The following LAMA2 variants were observed in gnomAD, a reference collection of about 807,000 sequenced individuals.
The protein encoded by LAMA2 is laminin subunit alpha 2, also known as laminin subunit alpha-2.
LAMA2 carries 269 observed loss-of-function variants against 364.8 expected under a neutral mutation model. The ratio of observed to expected loss-of-function variants is 0.74; its 90% CI spans 0.67 to 0.82. LAMA2 has a LOEUF of 0.82. Among genes scored for constraint, LAMA2 ranks in the 40% least tolerant of loss-of-function variants. LAMA2 has a pLI of 0.00. For synonymous variants in LAMA2, 1,379 were observed against 1,370.6 expected, an observed-to-expected ratio of 1.01 and a Z score of -0.14; for missense variants, 3,807 against 3,873.2, an observed-to-expected ratio of 0.98 and a Z score of 0.45.
At chr6:129,250,420 G>A (rs1234044609) in intron 13 of LAMA2, among the ~76,000 whole-genome samples, 2 of 152,098 alleles carry the variant, frequency 1.3e-5, no homozygotes, top group African/African-American at 2.4e-5. Context: ...GAATGATAAA[G>A]GAGAACTTTA....
chr6:128,956,027 A>G (rs2114580291), intron 1 of LAMA2, among the ~76,000 whole-genome samples: 1 of 152,068 alleles, frequency 6.6e-6, no homozygotes, highest in Non-Finnish European at 1.5e-5. Context: ...TTACATTATC[A>G]TAAATTTCGC....
rs1776454807 is a variant in LAMA2 at position 129,115,969 on chromosome 6, C to G, written c.639+17554C>G. ...TTCTTCTTTTCCTGACCTCCTAGGG[C>G]TTTTATGCATGCAATTAGCAATTTG... On this transcript the variant is annotated intron_variant, in intron 4 of 64. Coordinates refer to ENST00000421865, the MANE Select transcript of LAMA2 (RefSeq NM_000426.4). Among the ~76,000 whole-genome samples, 3 of 152,052 alleles carry G rather than the reference C, an allele frequency of 2.0e-5. No individual in the cohort carries two copies. The South Asian group carries it at 6.2e-4, about 31-fold the overall frequency.
chr6:129,235,493 A>C (rs986751731), intron 12 of LAMA2, among the ~76,000 whole-genome samples: 1 of 152,146 alleles, frequency 6.6e-6, no homozygotes, highest in African/African-American at 2.4e-5. Context: ...AAATATTTGC[A>C]CCCCTTTGAG....
chr6:128,943,951 A>T (rs867296354), intron 1 of LAMA2, among the ~76,000 whole-genome samples: 1 of 152,224 alleles, frequency 6.6e-6, no homozygotes, highest in Non-Finnish European at 1.5e-5. Context: ...AAAGATTTTC[A>T]TCGGTTAGAG....
At chr6:129,329,361 TTTTTG>T (rs1466288389) in intron 29 of LAMA2, among the ~76,000 whole-genome samples, 1 of 151,890 alleles carries the variant, frequency 6.6e-6, no homozygotes, top group Non-Finnish European at 1.5e-5. Context: ...AGCCATCACC[TTTTTG>T]TTTTTTTTTT....
chr6:128,899,686 C>A (rs1176247957), intron 1 of LAMA2, among the ~76,000 whole-genome samples: 2 of 151,894 alleles, frequency 1.3e-5, no homozygotes, highest in Non-Finnish European at 1.5e-5. Flanking sequence ...ACAGTATGGA[C>A]AGATATGAGT....
chr6:129,029,563 A>G (rs1466109944), intron 1 of LAMA2, among the ~76,000 whole-genome samples: 1 of 151,382 alleles, frequency 6.6e-6, no homozygotes, highest in African/African-American at 2.4e-5. Flanking sequence ...ATTTATCCTG[A>G]GAAATGCTAA....
intron 4 of LAMA2, among the ~76,000 whole-genome samples, chr6:129,115,416 T>G (rs1044278249): frequency 2.0e-5 from 3 of 152,094 alleles, no homozygotes; most frequent in Non-Finnish European, 4.4e-5. Context: ...CATTAACATC[T>G]GGAGTTGAGG....
At chr6:129,362,455 C>A (rs1777520274) in intron 32 of LAMA2, among the ~76,000 whole-genome samples, 1 of 152,146 alleles carries the variant, frequency 6.6e-6, no homozygotes, top group Non-Finnish European at 1.5e-5. Flanking sequence ...ATTCTACCTC[C>A]CTGATCTTCT....
At chr6:129,258,825 A>G (rs955375208) in intron 14 of LAMA2, among the ~76,000 whole-genome samples, 2 of 152,152 alleles carry the variant, frequency 1.3e-5, no homozygotes, top group Admixed American at 1.3e-4. Flanking sequence ...TGAGGGGGGA[A>G]AAAAGCATTT....
intron 51 of LAMA2, among the ~76,000 whole-genome samples, chr6:129,471,011 A>G (rs1268505064): frequency 6.6e-6 from 1 of 151,892 alleles, no homozygotes; most frequent in Non-Finnish European, 1.5e-5. Context: ...GAAAGAGAAC[A>G]AAAGAATAAT....
chr6:128,910,668 T>C lies in LAMA2; in HGVS notation c.112+27311T>C, dbSNP rs576110112. Among the ~76,000 whole-genome samples the C allele has an allele frequency of 6.0e-3, 915 of 152,348 alleles. 8 individuals are homozygous for C. Among genetic ancestry groups the C allele is most frequent in the Middle Eastern group, 0.01 (3 of 294 alleles). ...AGTCGTTCTCCGTCTAGCTTCGTTC[T>C]GTTGTTGGTGAGGAACTGCGTTCCT... is the stretch of plus-strand genomic sequence containing the variant. On this transcript the variant is annotated intron_variant, in intron 1 of 64. Transcript: ENST00000421865.
chr6:129,484,093 G>A (rs1784482163), intron 55 of LAMA2, among the ~76,000 whole-genome samples: 1 of 152,072 alleles, frequency 6.6e-6, no homozygotes, highest in Admixed American at 6.5e-5. Flanking sequence ...ATTATGAGTG[G>A]AACTGCATTA....
intron 3 of LAMA2, among the ~76,000 whole-genome samples, chr6:129,062,068 C>G (rs1788958897): frequency 2.0e-5 from 3 of 152,154 alleles, no homozygotes; most frequent in Admixed American, 2.0e-4. Context: ...TGGAACTTCT[C>G]AGACAAGAAA....
chr6:129,200,124 G>GTATATA (rs374459440), intron 12 of LAMA2, among the ~76,000 whole-genome samples: 1 of 105,984 alleles, frequency 9.4e-6, no homozygotes, highest in Admixed American at 9.3e-5. Flanking sequence ...ATATATATGT[G>GTATATA]TATATATATA....
chr6:129,018,691 C>T (rs1342816311), intron 1 of LAMA2, among the ~76,000 whole-genome samples: 4 of 151,966 alleles, frequency 2.6e-5, no homozygotes, highest in Admixed American at 1.3e-4. Context: ...TTTTTAATAT[C>T]ATCAATTGAC....
In LAMA2 at chr6:129,190,969, G is replaced by T. The variant is rs142958879; in HGVS notation, c.1608+624G>T. ...CACTGCCTTTTCAAATCTGTGCAAA[G>T]AGCATGTTGTCTCCCTATACAGAAA... On this transcript the variant is annotated intron_variant, in intron 11 of 64. Transcript: ENST00000421865. 2.3e-3 allele frequency among the ~76,000 whole-genome samples: 347 copies of T among 152,266 alleles called. 1 individual carries two copies. Among genetic ancestry groups the T allele is most frequent in the African/African-American group, 7.4e-3 (307 of 41,542 alleles).
In LAMA2 at chr6:129,192,814, C is replaced by A. The variant is rs774243931; in HGVS notation, c.1743C>A (p.Ser581Arg). The A allele has an allele frequency of 1.2e-6, 2 of 1,614,068 alleles. No individual in the cohort carries two copies. The highest frequency in any genetic ancestry group is 2.7e-5 in the African/African-American group (2 of 74,934). Residue 581 changes from serine (S) to arginine (R), a missense_variant, in exon 12 of 65, where the codon AGC (serine) becomes AGA (arginine). Transcript: ENST00000421865. ...NAEARQALPHSYYWSAPAPYL... is the reference protein window; with the variant it reads ...NAEARQALPHRYYWSAPAPYL... ...AGGCCCGGCAAGCCCTGCCGCACAG[C>A]TACTACTGGAGCGCGCCGGCTCCCT... is the stretch of plus-strand genomic sequence containing the variant.
At chr6:129,118,728 A>C (rs1054884216) in intron 4 of LAMA2, among the ~76,000 whole-genome samples, 8 of 152,198 alleles carry the variant, frequency 5.3e-5, no homozygotes, top group Non-Finnish European at 1.2e-4. Context: ...AAGAGTATAC[A>C]GTCAGAATCT....
Sources: allele counts gnomAD v4.1 joint callset (sites outside exome capture counted in the v4.1 genomes callset), GRCh38; gene constraint gnomAD v4.1.1; transcripts MANE v1.5; gene names NCBI Gene and HGNC (gene_info 2026-07-23, HGNC 2026-07-21).